FAM184A: variants seen among roughly 807,000 people sequenced by gnomAD.
FAM184A encodes the protein protein FAM184A.
Under a neutral mutation model 143.8 loss-of-function variants are expected in FAM184A, and 99 were observed. That is an observed-to-expected ratio of 0.69 (90% CI 0.58 to 0.81). The LOEUF is 0.81. Among genes scored for constraint, FAM184A ranks in the 40% least tolerant of loss-of-function variants. The probability of loss-of-function intolerance (pLI) is 0.00; values close to 1 mark genes in which losing one functional copy is unlikely to be tolerated. For missense variants in FAM184A, 1,217 were observed against 1,310.5 expected (o/e 0.93, Z 1.10); for synonymous variants, 427 against 446.4 (o/e 0.96, Z 0.55).
chr6:119,057,253 A>G (rs1787015024), intron 1 of FAM184A, among the ~76,000 whole-genome samples: 2 of 152,068 alleles, frequency 1.3e-5, no homozygotes, highest in Admixed American at 1.3e-4. Context: ...CCAATAGGTA[A>G]AAGACTGGGA....
intron 9 of FAM184A, among the ~76,000 whole-genome samples, chr6:118,993,001 T>C (rs545691346): frequency 6.6e-6 from 1 of 152,330 alleles, no homozygotes; most frequent in Non-Finnish European, 1.5e-5. Flanking sequence ...ATTCTGTTAT[T>C]GCAGTCCAAG....
chr6:119,017,941 T>C (rs1052409321), intron 4 of FAM184A, among the ~76,000 whole-genome samples: 8 of 152,192 alleles, frequency 5.3e-5, no homozygotes, highest in Non-Finnish European at 1.0e-4. Flanking sequence ...TCCTGTGACA[T>C]GCTGGCTCCC....
intron 1 of FAM184A, among the ~76,000 whole-genome samples, chr6:119,088,064 G>A (rs1221608041): frequency 9.2e-5 from 14 of 152,140 alleles, no homozygotes; most frequent in Admixed American, 9.2e-4. Context: ...AAAGTAGAAT[G>A]GTGGTTTCCA....
intron 1 of FAM184A, among the ~76,000 whole-genome samples, chr6:119,144,426 C>T (rs923102197): frequency 6.6e-6 from 1 of 152,140 alleles, no homozygotes; most frequent in Non-Finnish European, 1.5e-5. Flanking sequence ...GCCTAAATTG[C>T]TCCAGTGGGG....
chr6:119,126,386 C>T (rs1789366157), intron 1 of FAM184A, among the ~76,000 whole-genome samples: 10 of 152,248 alleles, frequency 6.6e-5, no homozygotes, highest in Admixed American at 6.5e-4. Context: ...GAAATTTTCC[C>T]TGACCCCTTT....
intron 6 of FAM184A, among the ~76,000 whole-genome samples, chr6:119,010,119 G>A (rs868671427): frequency 5.9e-5 from 9 of 152,090 alleles, no homozygotes; most frequent in Non-Finnish European, 1.0e-4. Flanking sequence ...GTGTGAACTG[G>A]GAGAAGACTC....
chr6:119,036,696 C>T (rs1238846675), intron 1 of FAM184A, among the ~76,000 whole-genome samples: 1 of 152,096 alleles, frequency 6.6e-6, no homozygotes, highest in Non-Finnish European at 1.5e-5. Flanking sequence ...TGTGAATGCT[C>T]AGTACTTTTT....
At chr6:119,015,588 G>T (rs950166559) in intron 5 of FAM184A, among the ~76,000 whole-genome samples, 1 of 152,216 alleles carries the variant, frequency 6.6e-6, no homozygotes, top group South Asian at 2.1e-4. Flanking sequence ...ACTGCAGCCC[G>T]CCATGCCTGA....
intron 11 of FAM184A, 133 bp from the exon 12 acceptor site, chr6:118,976,177 T>C: frequency 1.2e-6 from 1 of 804,686 alleles, no homozygotes; most frequent in East Asian, 2.7e-5. Flanking sequence ...TAATAGATTA[T>C]AAACTATGAC....
At chr6:119,033,264 A>T (rs2114711003) in intron 1 of FAM184A, among the ~76,000 whole-genome samples, 1 of 152,296 alleles carries the variant, frequency 6.6e-6, no homozygotes, top group Admixed American at 6.5e-5. Flanking sequence ...TTCGGAGGTG[A>T]TGAAATTGCA....
At chr6:119,030,884 T>A (rs1785844388) in intron 1 of FAM184A, among the ~76,000 whole-genome samples, 1 of 151,158 alleles carries the variant, frequency 6.6e-6, no homozygotes, top group South Asian at 2.1e-4. Context: ...AGTATAGGAA[T>A]CATTTCAGCA....
At chr6:118,986,561 C>A (rs954685250) in intron 9 of FAM184A, among the ~76,000 whole-genome samples, 2 of 152,126 alleles carry the variant, frequency 1.3e-5, no homozygotes, top group African/African-American at 4.8e-5. Context: ...TCCTCAATGA[C>A]TATAATGTTA....
intron 1 of FAM184A, among the ~76,000 whole-genome samples, chr6:119,072,571 T>G (rs114794771): frequency 0.029 from 4,467 of 152,262 alleles, 230 homozygotes; most frequent in African/African-American, 0.1. Context: ...TTTGAAAAAT[T>G]CACTGGTTTT....
rs142523049 is a variant in FAM184A at position 119,100,722 on chromosome 6, C to T, written c.-202+48356G>A. On this transcript the variant is annotated intron_variant, in intron 1 of 16. Transcript: ENST00000352896. ...TTGTAATCCCAGCACTTTGGGAGGC[C>T]GAGGTGGGCAGATGACTTGAGGTCA... is the stretch of plus-strand genomic sequence containing the variant. 1.6e-4 allele frequency among the ~76,000 whole-genome samples: 24 copies of T among 151,942 alleles called. No homozygotes were observed. The East Asian group carries it at 4.5e-3, about 28-fold the overall frequency.
intron 1 of FAM184A, among the ~76,000 whole-genome samples, chr6:119,133,080 A>G (rs1313978348): frequency 2.0e-5 from 3 of 152,108 alleles, no homozygotes; most frequent in Non-Finnish European, 2.9e-5. Context: ...TTTATACTCA[A>G]TTGTGGATAT....
intron 6 of FAM184A, among the ~76,000 whole-genome samples, chr6:119,010,838 T>C (rs963810951): frequency 8.5e-5 from 13 of 152,176 alleles, no homozygotes; most frequent in African/African-American, 3.1e-4. Flanking sequence ...ACCTGGAACT[T>C]TGCCGATATG....
chr6:118,982,479 G>A (rs1784052877), intron 9 of FAM184A, among the ~76,000 whole-genome samples: 1 of 152,208 alleles, frequency 6.6e-6, no homozygotes, highest in South Asian at 2.1e-4. Context: ...CTTGGCACCT[G>A]ACCAAGTGGG....
Position 119,108,858 on chromosome 6 carries a change from G to C in FAM184A, c.-202+40220C>G, listed in dbSNP as rs1377360018. On this transcript the variant is annotated intron_variant, in intron 1 of 16. Transcript: ENST00000352896. ...AATAATCTCCACGCTCCAGGAAACA[G>C]AAGTGACTTCTACTCAACTTCCAAA... Among the ~76,000 whole-genome samples the C allele has an allele frequency of 3.3e-5, 5 of 152,190 alleles. No individual in the cohort carries two copies. In the East Asian group the frequency reaches 9.6e-4, roughly 29 times the overall value.
intron 1 of FAM184A, among the ~76,000 whole-genome samples, chr6:119,084,817 C>T (rs145269430): frequency 1.7e-3 from 261 of 152,368 alleles, no homozygotes; most frequent in Non-Finnish European, 3.2e-3. Context: ...TCAACTCTTG[C>T]ACTCTGCACA....
Sources: allele counts gnomAD v4.1 joint callset (sites outside exome capture counted in the v4.1 genomes callset), GRCh38; gene constraint gnomAD v4.1.1; transcripts MANE v1.5; gene names NCBI Gene and HGNC (gene_info 2026-07-23, HGNC 2026-07-21).